Variants in GPHN observed in about 807,000 individuals in gnomAD.
The protein encoded by GPHN is gephyrin.
Under a neutral mutation model 95.5 loss-of-function variants are expected in GPHN, and 17 were observed. The observed-to-expected ratio is 0.18, with a 90% confidence interval of 0.12 to 0.27. The LOEUF (loss-of-function observed/expected upper bound fraction) is 0.27. Among genes scored for constraint, GPHN ranks in the 10% least tolerant of loss-of-function variants. The pLI is 1.00. For missense variants in GPHN, 660 were observed against 978.1 expected (o/e 0.67, Z 4.34); for synonymous variants, 320 against 322.5 (o/e 0.99, Z 0.08).
At chr14:67,559,773 G>T in the GPHN span, 1 of 864,240 alleles carries the variant, frequency 1.2e-6, no homozygotes, top group South Asian at 1.4e-5. Flanking sequence ...GCCCCCTACT[G>T]TCTAGGGTGC....
At chr14:67,036,501 G>GCACACACACACA (rs762967467) in intron 10 of GPHN, among the ~76,000 whole-genome samples, 3,440 of 118,076 alleles carry the variant, frequency 0.029, 184 homozygotes, top group African/African-American at 0.077. Flanking sequence ...ATACATACAT[G>GCACACACACACA]CACACACACA....
chr14:66,857,607 A>G (rs1257849147), intron 4 of GPHN, among the ~76,000 whole-genome samples: 2 of 152,202 alleles, frequency 1.3e-5, no homozygotes, highest in Non-Finnish European at 2.9e-5. Flanking sequence ...AGTTGGCCAA[A>G]TAAAAGGCTC....
At chr14:66,632,573 A>G (rs916076367) in intron 1 of GPHN, among the ~76,000 whole-genome samples, 6 of 148,838 alleles carry the variant, frequency 4.0e-5, no homozygotes, top group Non-Finnish European at 7.4e-5. Context: ...GCTCACTGCA[A>G]CCTCCTCCTC....
chr14:66,629,453 C>T (rs1158914205), intron 1 of GPHN, among the ~76,000 whole-genome samples: 1 of 151,828 alleles, frequency 6.6e-6, no homozygotes, highest in Non-Finnish European at 1.5e-5. Context: ...ATGTTAACAA[C>T]ACCTTTTTCT....
the GPHN span, among the ~76,000 whole-genome samples, chr14:67,282,121 G>A: frequency 1.3e-5 from 2 of 152,072 alleles, no homozygotes; most frequent in African/African-American, 4.8e-5. Context: ...ATTAGCATAA[G>A]GTATAGTTTG....
intron 5 of GPHN, among the ~76,000 whole-genome samples, chr14:66,903,901 A>C (rs1208332355): frequency 6.6e-6 from 1 of 152,156 alleles, no homozygotes; most frequent in Non-Finnish European, 1.5e-5. Context: ...AGATCACAGA[A>C]ATGGGAACAG....
chr14:66,917,029 T>G (rs1489377413), intron 6 of GPHN, among the ~76,000 whole-genome samples: 2 of 152,192 alleles, frequency 1.3e-5, no homozygotes, highest in Admixed American at 6.5e-5. Flanking sequence ...ATTACATACA[T>G]TTTCATAATT....
chr14:67,705,509 G>A, the GPHN span, among the ~76,000 whole-genome samples: 1 of 152,212 alleles, frequency 6.6e-6, no homozygotes, highest in African/African-American at 2.4e-5. Flanking sequence ...ACTGCCAAAC[G>A]TGACCTGTAG....
At chr14:67,358,061 C>T in the GPHN span, among the ~76,000 whole-genome samples, 1 of 151,876 alleles carries the variant, frequency 6.6e-6, no homozygotes, top group East Asian at 1.9e-4. Flanking sequence ...AATTCTCCCC[C>T]TAGCTTTGAG....
intron 2 of GPHN, among the ~76,000 whole-genome samples, chr14:66,681,832 T>G (rs1030246917): frequency 6.6e-6 from 1 of 152,050 alleles, no homozygotes; most frequent in Admixed American, 6.6e-5. Flanking sequence ...ACCTTCCCAA[T>G]AAGATCACTG....
At chr14:67,386,492 G>A in the GPHN span, 2 of 152,180 alleles carry the variant, frequency 1.3e-5, no homozygotes, top group Non-Finnish European at 2.9e-5. Context: ...AAACTTGAAA[G>A]TAATAAAAAT....
chr14:67,251,724 C>A, the GPHN span, among the ~76,000 whole-genome samples: 3 of 152,004 alleles, frequency 2.0e-5, no homozygotes, highest in African/African-American at 4.8e-5. Flanking sequence ...CTTCTAAATC[C>A]CTTGGAATTT....
chr14:67,155,817 C>T (rs1433948714), intron 18 of GPHN, among the ~76,000 whole-genome samples: 2 of 151,918 alleles, frequency 1.3e-5, no homozygotes, highest in African/African-American at 4.8e-5. Context: ...AGAAACCATA[C>T]CTAGGTAATC....
At position 66,692,894 on chromosome 14, in the gene GPHN, A is replaced by G. The variant is rs576628256; in HGVS notation, c.143+11709A>G. On this transcript the variant is annotated intron_variant, in intron 2 of 22. Transcript: ENST00000478722. ...TATATTTTTTATGTTTATTCATACT[A>G]GGTAGTAATTCTCTAACCTTATGAT... 4.6e-5 allele frequency among the ~76,000 whole-genome samples: 7 copies of G among 152,254 alleles called. No individual in the cohort carries two copies. In the South Asian group the frequency reaches 6.2e-4, roughly 14 times the overall value.
At chr14:66,776,631 TTAATTCTCAGTTATCA>T in intron 3 of GPHN, 110 bp downstream of exon 3, 1 of 770,236 alleles carries the variant, frequency 1.3e-6, no homozygotes, top group Non-Finnish European at 2.4e-6. Flanking sequence ...AGAATATTAT[TTAATTCTCAGTTATCA>T]TAGTGAATTA....
chr14:66,546,018 G>T (rs1173755947), intron 1 of GPHN, among the ~76,000 whole-genome samples: 66 of 150,150 alleles, frequency 4.4e-4, no homozygotes, highest in African/African-American at 1.5e-3. Context: ...CTCAGACGGG[G>T]CGGCCGGGCA....
At position 67,143,086 on chromosome 14, in the gene GPHN, A is replaced by C. The variant is rs957239818; in HGVS notation, c.1749-276A>C. 11 of 390,028 alleles carry C rather than the reference A, an allele frequency of 2.8e-5. No homozygotes were observed. The East Asian group carries it at 4.1e-4, about 15-fold the overall frequency. The allele number at this position is 390,028 out of a possible 1,614,324, so 24.2% of individuals were successfully genotyped here. Reference sequence around the variant, plus strand: ...CCAGGATAGTTAGACATCCTCCAACATCTCATTGTCTCCTTTCATTATAGT... The same window carrying C: ...CCAGGATAGTTAGACATCCTCCAACCTCTCATTGTCTCCTTTCATTATAGT... On this transcript the variant is annotated intron_variant, in intron 17 of 22. Transcript: ENST00000478722.
the GPHN span, among the ~76,000 whole-genome samples, chr14:67,715,961 C>T: frequency 6.5e-4 from 99 of 152,144 alleles, no homozygotes; most frequent in African/African-American, 2.3e-3. Context: ...TTTGGGAGGC[C>T]GAGGCGGGCG....
chr14:67,646,660 G>T, the GPHN span: 1 of 1,612,416 alleles, frequency 6.2e-7, no homozygotes, highest in Non-Finnish European at 8.5e-7. Flanking sequence ...CAACTCCCAG[G>T]ATTTTCCTGG....
Sources: allele counts gnomAD v4.1 joint callset (sites outside exome capture counted in the v4.1 genomes callset), GRCh38; gene constraint gnomAD v4.1.1; transcripts MANE v1.5; gene names NCBI Gene and HGNC (gene_info 2026-07-23, HGNC 2026-07-21).